Variants in CDH23 observed in about 807,000 individuals in gnomAD.
The protein encoded by CDH23 is cadherin related 23, also known as cadherin-23.
CDH23 carries 189 observed loss-of-function variants against 317.1 expected under a neutral mutation model. That is an observed-to-expected ratio of 0.60 (90% CI 0.53 to 0.67). CDH23 has a LOEUF of 0.67. Among genes scored for constraint, CDH23 ranks in the 30% least tolerant of loss-of-function variants. CDH23 has a pLI of 0.00. For missense variants in CDH23, 4,401 were observed against 4,592.4 expected (o/e 0.96, Z 1.20); for synonymous variants, 1,839 against 1,876.8 (o/e 0.98, Z 0.52).
intron 11 of CDH23, among the ~76,000 whole-genome samples, chr10:71,618,234 G>T (rs989879882): frequency 8.5e-5 from 13 of 152,096 alleles, no homozygotes; most frequent in Non-Finnish European, 1.5e-4. Flanking sequence ...ATCACCAGGG[G>T]GTCTACCCTG....
At chr10:71,450,912 T>C (rs906799764) in intron 3 of CDH23, among the ~76,000 whole-genome samples, 5 of 152,130 alleles carry the variant, frequency 3.3e-5, no homozygotes, top group Admixed American at 6.5e-5. Context: ...CAGACTCCTA[T>C]AGCCACCTCT....
chr10:71,515,901 G>A (rs1854310609), intron 6 of CDH23, among the ~76,000 whole-genome samples: 1 of 152,210 alleles, frequency 6.6e-6, no homozygotes, highest in African/African-American at 2.4e-5. Flanking sequence ...AAATGCCATG[G>A]TAGCTTTGTA....
intron 2 of CDH23, among the ~76,000 whole-genome samples, chr10:71,445,379 C>A (rs540875251): frequency 6.6e-6 from 1 of 152,182 alleles, no homozygotes; most frequent in Admixed American, 6.5e-5. Flanking sequence ...CACACCAAAT[C>A]GTCTTGTGGG....
chr10:71,606,772 G>A (rs1028123934), intron 9 of CDH23, among the ~76,000 whole-genome samples: 2 of 152,150 alleles, frequency 1.3e-5, no homozygotes, highest in African/African-American at 4.8e-5. Flanking sequence ...GGGTAACTGG[G>A]GAGGAATCTG....
At chr10:71,687,963 C>T (rs751275525) in intron 19 of CDH23, among the ~76,000 whole-genome samples, 2 of 152,218 alleles carry the variant, frequency 1.3e-5, no homozygotes, top group Non-Finnish European at 2.9e-5. Context: ...GGTTCCTGCT[C>T]TCCTCTAACT....
At chr10:71,695,809 G>A (rs910310355) in intron 22 of CDH23, among the ~76,000 whole-genome samples, 4 of 152,280 alleles carry the variant, frequency 2.6e-5, no homozygotes, top group South Asian at 2.1e-4. Context: ...GGCCGGTTCC[G>A]CTTGTGAGCC....
intron 39 of CDH23, 42 bp downstream of exon 39, chr10:71,777,943 A>G: frequency 6.2e-7 from 1 of 1,602,146 alleles, no homozygotes; most frequent in African/African-American, 1.3e-5. Context: ...GGCGAAACCT[A>G]TCCAGGGATT....
intron 53 of CDH23, among the ~76,000 whole-genome samples, chr10:71,801,155 T>C (rs1460921788): frequency 2.8e-5 from 4 of 140,998 alleles, no homozygotes; most frequent in African/African-American, 1.1e-4. Context: ...TCTCTCTTTT[T>C]TTTTTTTTTT....
chr10:71,577,011 C>T (rs1221538447), intron 8 of CDH23, among the ~76,000 whole-genome samples: 1 of 152,190 alleles, frequency 6.6e-6, no homozygotes, highest in Non-Finnish European at 1.5e-5. Context: ...TGTTCTCTCC[C>T]TGGCAAACTC....
At chr10:71,461,328 G>A (rs1486246955) in intron 3 of CDH23, among the ~76,000 whole-genome samples, 1 of 152,250 alleles carries the variant, frequency 6.6e-6, no homozygotes, top group Non-Finnish European at 1.5e-5. Context: ...GACTTGGCAT[G>A]GGGTGTGGCA....
At chr10:71,723,833 G>A (rs192036680) in intron 28 of CDH23, among the ~76,000 whole-genome samples, 21 of 152,280 alleles carry the variant, frequency 1.4e-4, no homozygotes, top group African/African-American at 4.8e-4. Context: ...TCCTGGACAG[G>A]GCTGCAGGGG....
At chr10:71,608,083 C>T (rs1860635812) in intron 9 of CDH23, among the ~76,000 whole-genome samples, 1 of 152,140 alleles carries the variant, frequency 6.6e-6, no homozygotes, top group African/African-American at 2.4e-5. Flanking sequence ...AAATTTGGCC[C>T]AAAGGAATGA....
At chr10:71,488,674 G>A (rs2132133689) in intron 3 of CDH23, among the ~76,000 whole-genome samples, 2 of 152,302 alleles carry the variant, frequency 1.3e-5, no homozygotes, top group Middle Eastern at 6.8e-3. Flanking sequence ...AACAATCAGT[G>A]GGAACTGAGA....
intron 11 of CDH23, 151 bp downstream of exon 11, chr10:71,617,544 A>C: frequency 6.7e-7 from 1 of 1,482,886 alleles, no homozygotes; most frequent in Non-Finnish European, 9.0e-7. Flanking sequence ...AGGCTGAAAA[A>C]AAAATCACTA....
Position 71,730,336 on chromosome 10 carries a change from C to T in CDH23, c.3580-133C>T, listed in dbSNP as rs1035815852. 7.8e-6 allele frequency: 9 copies of T among 1,151,892 alleles called. No individual in the cohort carries two copies. In the African/African-American group the frequency reaches 1.3e-4, roughly 16 times the overall value. 71.4% of individuals were successfully genotyped at this position (1,151,892 alleles called of 1,614,324 possible). A position where few individuals can be genotyped will look rare whatever the true frequency, so the allele number is the denominator to read the frequency against. ...GGTCACAGTGACCCACCAGACAGGC[C>T]TGGGGTCCTAGAGGGAGCTCACAGC... On this transcript the variant is annotated intron_variant, in intron 30 of 69. Coordinates refer to ENST00000224721, the MANE Select transcript of CDH23 (RefSeq NM_022124.6).
At chr10:71,563,982 G>C (rs1252229189) in intron 6 of CDH23, among the ~76,000 whole-genome samples, 1 of 152,090 alleles carries the variant, frequency 6.6e-6, no homozygotes, top group Non-Finnish European at 1.5e-5. Flanking sequence ...CTCCTGGGTA[G>C]GAGCTGCTAA....
chr10:71,772,171 C>A (rs1840700415), intron 38 of CDH23, among the ~76,000 whole-genome samples: 1 of 152,210 alleles, frequency 6.6e-6, no homozygotes, highest in Non-Finnish European at 1.5e-5. Context: ...ACATGTGGAG[C>A]CCTCCTCCTC....
chr10:71,682,974 C>G (rs959945467), intron 18 of CDH23, among the ~76,000 whole-genome samples: 1 of 152,186 alleles, frequency 6.6e-6, no homozygotes, highest in Non-Finnish European at 1.5e-5. Context: ...CCTTCTCTCT[C>G]TCTCTCTCTC....
chr10:71,515,631 C>T (rs1014247572), intron 6 of CDH23, among the ~76,000 whole-genome samples: 1 of 152,092 alleles, frequency 6.6e-6, no homozygotes, highest in Non-Finnish European at 1.5e-5. Flanking sequence ...AAAATGCTAC[C>T]ATTTCCCAAC....
Sources: gnomAD v4.1 joint callset for allele counts (sites outside exome capture counted in the v4.1 genomes callset) on GRCh38, gnomAD v4.1.1 for gene constraint, MANE v1.5 for transcripts, NCBI Gene and HGNC (gene_info 2026-07-23, HGNC 2026-07-21) for gene names.